EPS8L2: variants seen among roughly 807,000 people sequenced by gnomAD.
EPS8L2 encodes the protein EPS8 signaling adaptor L2.
In EPS8L2, 81 loss-of-function variants were observed where a neutral mutation model predicts 99.4. That is an observed-to-expected ratio of 0.82 (90% CI 0.68 to 0.98). EPS8L2 has a LOEUF of 0.98. Ranked by LOEUF, EPS8L2 falls within the 50% of genes least tolerant of loss-of-function variation. The pLI is 0.00. For synonymous variants in EPS8L2, 509 were observed against 407.3 expected, an observed-to-expected ratio of 1.25 and a Z score of -3.01; for missense variants, 1,155 against 968.8, an observed-to-expected ratio of 1.19 and a Z score of -2.55.
intron 14 of EPS8L2, 75 bp from the exon 15 acceptor site, chr11:723,166 C>T: frequency 1.4e-6 from 1 of 738,590 alleles, no homozygotes; most frequent in African/African-American, 1.8e-5. Flanking sequence ...TTAGCCCAGC[C>T]CCTGTCATAT....
At chr11:709,185 G>C (rs1480289649) in intron 1 of EPS8L2, 145 bp from the exon 2 acceptor site, 3 of 607,468 alleles carry the variant, frequency 4.9e-6, no homozygotes, top group Non-Finnish European at 8.7e-6. Flanking sequence ...ACTGGGACGT[G>C]GGGCCAACTG....
In EPS8L2 at chr11:715,706, C is replaced by T. The variant is rs187459472; in HGVS notation, c.166-4356C>T. Reference sequence around the variant, plus strand: ...CACGATCTTGATTCACTGCAAGCTCCGCCTCCTGGGTTCACGCCATTCTCC... The same window carrying T: ...CACGATCTTGATTCACTGCAAGCTCTGCCTCCTGGGTTCACGCCATTCTCC... On this transcript the variant is annotated intron_variant, in intron 4 of 20. Transcript: ENST00000318562. Among the ~76,000 whole-genome samples the T allele has an allele frequency of 7.9e-4, 118 of 149,492 alleles. 1 individual carries two copies. The highest frequency in any genetic ancestry group is 2.8e-3 in the African/African-American group (113 of 40,572).
At chr11:711,781 T>C (rs28816759) in intron 4 of EPS8L2, among the ~76,000 whole-genome samples, 103,320 of 151,582 alleles carry the variant, frequency 0.68, 36,379 homozygotes, top group African/African-American at 0.88. Context: ...GTTAGGAGTT[T>C]GAGACCAGCC....
intron 16 of EPS8L2, among the ~76,000 whole-genome samples, chr11:725,326 C>T (rs767980331): frequency 6.6e-6 from 1 of 152,224 alleles, no homozygotes; most frequent in Non-Finnish European, 1.5e-5. Flanking sequence ...GCCTGGGCAA[C>T]ACCTCAAAAC....
chr11:721,381 C>A, intron 9 of EPS8L2, 29 bp downstream of exon 9: 1 of 1,537,570 alleles, frequency 6.5e-7, no homozygotes, highest in Non-Finnish European at 8.7e-7. Context: ...CAGGTGGCCC[C>A]TCTCTTCCCC....
chr11:726,512 GCC>G (rs1237590125), intron 19 of EPS8L2, 28 bp downstream of exon 19: 1 of 1,528,986 alleles, frequency 6.5e-7, no homozygotes, highest in Admixed American at 2.0e-5. Context: ...ATGAGCTGGG[GCC>G]CGGGCGAGGG....
At position 726,353 on chromosome 11, in the gene EPS8L2, C is replaced by A; in HGVS notation, c.1803C>A (p.Ile601=). ...DEVNDELIRK[I]SNIRAQPQRH... is the part of the protein sequence containing the mutation. ...TCAACGACGAGCTCATCCGGAAAATCAGCAACATCAGGGCGCAGCCACAGA... is the reference window on the plus strand; with the variant it reads ...TCAACGACGAGCTCATCCGGAAAATAAGCAACATCAGGGCGCAGCCACAGA... The change falls in exon 19 of 21, where the codon ATC becomes ATA. Residue 601 remains isoleucine, a synonymous_variant. Transcript: ENST00000318562. 6.2e-7 allele frequency: 1 copy of A among 1,611,036 alleles called. No homozygotes were observed. Among genetic ancestry groups the A allele is most frequent in the Non-Finnish European group, 8.5e-7 (1 of 1,179,274 alleles).
chr11:723,210 G>A, intron 14 of EPS8L2, 31 bp from the exon 15 acceptor site: 1 of 1,308,520 alleles, frequency 7.6e-7, no homozygotes, highest in Non-Finnish European at 1.1e-6. Flanking sequence ...CCCGCCCCAT[G>A]TCTAACTCAG....
intron 10 of EPS8L2, 41 bp downstream of exon 10, chr11:721,732 G>T (rs996989680): frequency 7.8e-7 from 1 of 1,282,022 alleles, no homozygotes; most frequent in Non-Finnish European, 1.1e-6. Context: ...GCAGGGGACG[G>T]GGCCAGCAGG....
chr11:712,406 C>T (rs1001378444), intron 4 of EPS8L2, among the ~76,000 whole-genome samples: 8 of 141,012 alleles, frequency 5.7e-5, no homozygotes, highest in Non-Finnish European at 1.3e-4. Context: ...GCTGGGCTCC[C>T]GGTTGTCGTC....
chr11:726,231 T>TGG (rs368184258), intron 18 of EPS8L2, 61 bp downstream of exon 18: 146,644 of 1,534,690 alleles, frequency 0.096, 1,906 homozygotes, highest in Non-Finnish European at 0.11. Context: ...GGAGGAAGTG[T>TGG]GGGGGGGGTC....
Position 722,452 on chromosome 11 carries a change from C to G in EPS8L2, c.1111C>G (p.Leu371Val). The G allele has an allele frequency of 6.2e-7, 1 of 1,613,582 alleles. No homozygotes were observed. Among genetic ancestry groups the G allele is most frequent in the Non-Finnish European group, 8.5e-7 (1 of 1,179,956 alleles). Residue 371 changes from leucine to valine, a missense_variant, in exon 13 of 21, where the codon CTG becomes GTG. Transcript: ENST00000318562. ...CATCGCACGCTCCGTCTCCTGCCCA[C>G]TGCTCTCCCGAGATGCCGTGGACTT... ...PDIARSVSCP[L>V]LSRDAVDFLR...
In EPS8L2 at chr11:709,187, G is replaced by A. The variant is rs565490902; in HGVS notation, c.-78-143G>A. On this transcript the variant is annotated intron_variant, in intron 1 of 20. Coordinates refer to ENST00000318562, the MANE Select transcript of EPS8L2 (RefSeq NM_022772.4). ...GGACGTGGGGCCAACTGGGACGTGG[G>A]GCCAACTGGGATGTCGGGCAGGGGC... 5.3e-4 allele frequency: 330 copies of A among 617,108 alleles called. 4 individuals carry two copies. In the South Asian group the frequency reaches 6.3e-3, roughly 12 times the overall value. 38.2% of individuals were successfully genotyped at this position (617,108 alleles called of 1,614,324 possible).
chr11:719,186 C>T (rs1283364832), intron 4 of EPS8L2, among the ~76,000 whole-genome samples: 1 of 151,994 alleles, frequency 6.6e-6, no homozygotes, highest in Non-Finnish European at 1.5e-5. Context: ...AGGCTGGTCT[C>T]GAACTCCTGA....
In EPS8L2 at chr11:727,021, C is replaced by T. The variant is rs1302514108; in HGVS notation, c.*40C>T. ...GGCTGGGGCCTGCGGAGGGGAAGCC[C>T]ACCCACAATGCATGGAGTATTATTT... On this transcript the variant is annotated 3_prime_UTR_variant, in exon 21 of 21. Coordinates refer to ENST00000318562, the MANE Select transcript of EPS8L2 (RefSeq NM_022772.4). 1 of 1,331,370 alleles carries T rather than the reference C, an allele frequency of 7.5e-7. No homozygotes were observed. Among genetic ancestry groups the T allele is most frequent in the Non-Finnish European group, 1.1e-6 (1 of 928,870 alleles). The allele number at this position is 1,331,370 out of a possible 1,614,324, so 82.5% of individuals were successfully genotyped here.
intron 1 of EPS8L2, among the ~76,000 whole-genome samples, chr11:707,890 G>T (rs904382148): frequency 6.6e-6 from 1 of 152,108 alleles, no homozygotes; most frequent in Non-Finnish European, 1.5e-5. Context: ...GGTGGAGCCC[G>T]CCAGGAATCC....
chr11:722,712 G>T lies in EPS8L2; in HGVS notation c.1248G>T (p.Val416=). The change falls in exon 14 of 21, where the codon GTG becomes GTT. Residue 416 remains valine (V), a synonymous_variant. Coordinates refer to ENST00000318562, the MANE Select transcript of EPS8L2 (RefSeq NM_022772.4). ...GGGAGCCACAGGTGCCCCTCTACGT[G>T]CCCAAGTTCCACAGCGGCTGGGAGC... The part of the protein sequence containing the change: ...WPREPQVPLY[V]PKFHSGWEPP... The T allele has an allele frequency of 1.2e-6, 2 of 1,609,262 alleles. No individual in the cohort carries two copies. Among genetic ancestry groups the T allele is most frequent in the East Asian group, 4.5e-5 (2 of 44,710 alleles).
chr11:722,708 AC>A lies in EPS8L2; in HGVS notation c.1245del (p.Tyr415Ter). The A allele has an allele frequency of 6.2e-7, 1 of 1,609,216 alleles. No homozygotes were observed. Among genetic ancestry groups the A allele is most frequent in the Non-Finnish European group, 8.5e-7 (1 of 1,178,430 alleles). The stretch of plus-strand genomic sequence containing the variant: ...CCGCGGGAGCCACAGGTGCCCCTCT[AC>A]GTGCCCAAGTTCCACAGCGGCTGGG... ...EWPREPQVPLYVPKFHSGWEP... is the reference protein window; with the variant it reads ...EWPREPQVPLXVPKFHSGWEP... On this transcript the variant is annotated frameshift_variant, in exon 14 of 21. Coordinates refer to ENST00000318562, the MANE Select transcript of EPS8L2 (RefSeq NM_022772.4). LOFTEE classifies it high-confidence loss of function.
Position 720,990 on chromosome 11 carries a change from G to GGGGAGGAGCCCGGCAGGGA in EPS8L2, c.558-67_558-49dup, listed in dbSNP as rs1564975849. 6.9e-5 allele frequency: 101 copies of GGGGAGGAGCCCGGCAGGGA among 1,466,764 alleles called. No homozygotes were observed. In the East Asian group the frequency reaches 1.5e-3, roughly 22 times the overall value. The allele number at this position is 1,466,764 out of a possible 1,614,324, so 90.9% of individuals were successfully genotyped here. Reference sequence around the variant, plus strand: ...GGGGAGGGGAGGAGCCGGCAGGGGAGGGGAGGAGCCCGGCAGGGAGGGAGG... The same window carrying GGGGAGGAGCCCGGCAGGGA: ...GGGGAGGGGAGGAGCCGGCAGGGGAGGGGAGGAGCCCGGCAGGGAGGGAGGAGCCCGGCAGGGAGGGAGG... On this transcript the variant is annotated intron_variant, in intron 7 of 20. Coordinates refer to ENST00000318562, the MANE Select transcript of EPS8L2 (RefSeq NM_022772.4).
Sources: gnomAD v4.1 joint callset for allele counts (sites outside exome capture counted in the v4.1 genomes callset) on GRCh38, gnomAD v4.1.1 for gene constraint, MANE v1.5 for transcripts, NCBI Gene and HGNC (gene_info 2026-07-23, HGNC 2026-07-21) for gene names.